PCNX2: variants seen among roughly 807,000 people sequenced by gnomAD.
PCNX2 encodes pecanex-like protein 2.
Under a neutral mutation model 223.8 loss-of-function variants are expected in PCNX2, and 168 were observed. The ratio of observed to expected loss-of-function variants is 0.75; its 90% CI spans 0.66 to 0.85. The LOEUF is 0.85. Among genes scored for constraint, PCNX2 ranks in the 40% least tolerant of loss-of-function variants. PCNX2 has a pLI of 0.00. For synonymous variants in PCNX2, 1,006 were observed against 1,052.6 expected (o/e 0.96, Z 0.86); for missense variants, 2,507 against 2,675.5 (o/e 0.94, Z 1.39).
intron 25 of PCNX2, among the ~76,000 whole-genome samples, chr1:233,047,960 A>G (rs1671875753): frequency 6.6e-6 from 1 of 152,226 alleles, no homozygotes. Context: ...ATGCTCAGCC[A>G]TAAAGCAAGT....
rs71173255 is a variant in PCNX2, at chr1:233,208,826, CAAAAAAAAAAAAAAAAA to C, written c.2692-154_2692-138del. On this transcript the variant is annotated intron_variant, in intron 12 of 33. Coordinates refer to ENST00000258229, the MANE Select transcript of PCNX2 (RefSeq NM_014801.4). Reference sequence around the variant, plus strand: ...TCCCCCAAACACCACAATTCATATACAAAAAAAAAAAAAAAAAAAAAAAAACAGGAAAAAAAGAAAAG... The same window carrying C: ...TCCCCCAAACACCACAATTCATATACAAAAAAAACAGGAAAAAAAGAAAAG... 2.6e-3 allele frequency: 157 copies of C among 59,634 alleles called. 8 individuals carry two copies. The highest frequency in any genetic ancestry group is 8.1e-3 in the African/African-American group (141 of 17,460). The allele number at this position is 59,634 out of a possible 1,614,324, so 3.7% of individuals were successfully genotyped here. A position where few individuals can be genotyped will look rare whatever the true frequency, so the allele number is the denominator to read the frequency against.
chr1:233,307,660 T>C, the PCNX2 span, among the ~76,000 whole-genome samples: 1 of 152,372 alleles, frequency 6.6e-6, no homozygotes, highest in Non-Finnish European at 1.5e-5. Context: ...ATAATCTCTC[T>C]GTGTCTGGTA....
chr1:233,313,756 T>A, the PCNX2 span, among the ~76,000 whole-genome samples: 3 of 152,178 alleles, frequency 2.0e-5, no homozygotes, highest in African/African-American at 7.2e-5. Flanking sequence ...AACAGGTAGT[T>A]CACAGTAAGG....
At chr1:233,281,716 T>C (rs1661200700) in intron 1 of PCNX2, among the ~76,000 whole-genome samples, 1 of 152,328 alleles carries the variant, frequency 6.6e-6, no homozygotes, top group East Asian at 1.9e-4. Context: ...ATGTCTCTGT[T>C]TTTCAGCTCC....
At chr1:233,290,805 T>C (rs755772376) in intron 1 of PCNX2, 76 of 985,350 alleles carry the variant, frequency 7.7e-5, no homozygotes, top group East Asian at 3.4e-4. Context: ...TGGCTAAAGT[T>C]AAAGGAAAGG....
chr1:232,996,285 T>A (rs1398144756), intron 32 of PCNX2, among the ~76,000 whole-genome samples: 1 of 151,944 alleles, frequency 6.6e-6, no homozygotes, highest in Non-Finnish European at 1.5e-5. Flanking sequence ...CTGGACTTTC[T>A]CCAGTCCACA....
chr1:233,289,266 A>G (rs888834480), intron 1 of PCNX2: 5 of 964,848 alleles, frequency 5.2e-6, no homozygotes, highest in African/African-American at 3.2e-5. Context: ...AACAAAGATT[A>G]TGATAGCTTT....
chr1:233,186,789 T>C (rs951676788), intron 15 of PCNX2, among the ~76,000 whole-genome samples: 1 of 152,164 alleles, frequency 6.6e-6, no homozygotes. Context: ...CTTTTAGAGA[T>C]AGGTACTGAA....
intron 8 of PCNX2, among the ~76,000 whole-genome samples, chr1:233,242,423 T>C (rs1572138287): frequency 1.3e-5 from 2 of 152,208 alleles, no homozygotes; most frequent in African/African-American, 2.4e-5. Flanking sequence ...TTGTGAGTTA[T>C]AGATCCTCAA....
At chr1:233,236,471 C>T (rs531178801) in intron 9 of PCNX2, among the ~76,000 whole-genome samples, 3 of 150,758 alleles carry the variant, frequency 2.0e-5, no homozygotes, top group African/African-American at 7.4e-5. Flanking sequence ...ATTTAATATA[C>T]AAGGCAATAA....
intron 32 of PCNX2, among the ~76,000 whole-genome samples, chr1:232,988,867 T>C (rs938464165): frequency 6.6e-6 from 1 of 152,340 alleles, no homozygotes; most frequent in Middle Eastern, 3.4e-3. Context: ...TAGATGAGGC[T>C]GGCGTAGTGA....
chr1:233,057,137 C>A, intron 24 of PCNX2, 95 bp downstream of exon 24: 1 of 1,068,192 alleles, frequency 9.4e-7, no homozygotes. Context: ...TGCATTGTCT[C>A]CACAATGAGT....
chr1:233,137,432 T>C (rs1056228269), intron 20 of PCNX2, among the ~76,000 whole-genome samples: 1 of 152,236 alleles, frequency 6.6e-6, no homozygotes, highest in South Asian at 2.1e-4. Flanking sequence ...TAAATAATTA[T>C]CTTAATTGTT....
At chr1:233,321,047 G>A in the PCNX2 span, among the ~76,000 whole-genome samples, 6 of 119,492 alleles carry the variant, frequency 5.0e-5, no homozygotes, top group South Asian at 1.8e-3. Flanking sequence ...TTGAGATGGA[G>A]TCTCGCTCTG....
intron 33 of PCNX2, chr1:232,985,844 T>C (rs908054368): frequency 1.8e-5 from 11 of 607,222 alleles, no homozygotes; most frequent in Admixed American, 5.8e-5. Flanking sequence ...CTGTATCCGG[T>C]GACTCCTTTC....
chr1:233,158,972 G>A (rs952298730), intron 19 of PCNX2, among the ~76,000 whole-genome samples: 3 of 152,178 alleles, frequency 2.0e-5, no homozygotes, highest in African/African-American at 7.2e-5. Context: ...ATTATAGATG[G>A]AACCTTCTGT....
chr1:233,218,449 A>C (rs983965431), intron 10 of PCNX2, among the ~76,000 whole-genome samples: 7 of 151,838 alleles, frequency 4.6e-5, no homozygotes, highest in Non-Finnish European at 1.5e-5. Context: ...ATGGGGTTTC[A>C]CAATGTTAGT....
At position 232,999,361 on chromosome 1, in the gene PCNX2, G is replaced by A. The variant is rs910379568; in HGVS notation, c.5347C>T (p.Arg1783Ter). Residue 1783 changes from arginine to a stop codon, truncating the protein, a stop_gained, in exon 31 of 34, where the codon CGA becomes TGA. Coordinates refer to ENST00000258229, the MANE Select transcript of PCNX2 (RefSeq NM_014801.4). LOFTEE classifies it high-confidence loss of function. ...TGCTGCTGCCCGGCCCAAAGTCCTC[G>A]GACGCATTCTTTGTTAACCTGCAGG... is the stretch of plus-strand genomic sequence containing the variant. ...KVIKVNKECV[R>*]GLWAGQQQEL... The A allele has an allele frequency of 9.4e-6, 15 of 1,595,792 alleles. No individual in the cohort carries two copies. The Middle Eastern group carries it at 7.4e-4, about 78-fold the overall frequency.
intron 8 of PCNX2, chr1:233,241,340 C>T (rs560917116): frequency 2.0e-6 from 2 of 985,306 alleles, no homozygotes; most frequent in Admixed American, 1.2e-4. Flanking sequence ...CTCAGGCTTT[C>T]AGAGAAAATG....
Sources: gnomAD v4.1 joint callset for allele counts (sites outside exome capture counted in the v4.1 genomes callset) on GRCh38, gnomAD v4.1.1 for gene constraint, MANE v1.5 for transcripts, NCBI Gene and HGNC (gene_info 2026-07-23, HGNC 2026-07-21) for gene names.